Variants in COX16 observed in about 807,000 individuals in gnomAD.
COX16 encodes the protein cytochrome c oxidase assembly factor COX16, also known as cytochrome c oxidase assembly protein COX16 homolog, mitochondrial.
Under a neutral mutation model 15.4 loss-of-function variants are expected in COX16, and 12 were observed. That is an observed-to-expected ratio of 0.78 (90% confidence interval 0.50 to 1.26). The LOEUF (loss-of-function observed/expected upper bound fraction) is 1.26. Among genes scored for constraint, COX16 ranks in the 50% most tolerant of loss-of-function variants. COX16 has a pLI of 0.00. For missense variants in COX16, 124 were observed against 127.6 expected, an observed-to-expected ratio of 0.97 and a Z score of 0.14; for synonymous variants, 46 against 41.1, an observed-to-expected ratio of 1.12 and a Z score of -0.46.
chr14:70,356,518 A>T (rs1427228885), intron 1 of COX16, among the ~76,000 whole-genome samples: 1 of 152,282 alleles, frequency 6.6e-6, no homozygotes, highest in Non-Finnish European at 1.5e-5. Flanking sequence ...ACTAAGACAA[A>T]CTTGAATTTT....
At chr14:70,350,222 GAA>G (rs911598532) in intron 1 of COX16, among the ~76,000 whole-genome samples, 4 of 152,170 alleles carry the variant, frequency 2.6e-5, no homozygotes, top group African/African-American at 9.7e-5. Context: ...GCAGAAGCAG[GAA>G]GAGAGCCGGC....
chr14:70,359,508 A>T lies in COX16; in HGVS notation c.69+11T>A. 1 of 1,612,236 alleles carries T rather than the reference A, an allele frequency of 6.2e-7. No individual in the cohort carries two copies. The highest frequency in any genetic ancestry group is 8.5e-7 in the Non-Finnish European group (1 of 1,178,396). On this transcript the variant is annotated intron_variant, in intron 1 of 3. Transcript: ENST00000389912. ...CCACCCCTTGCGGAAGATCCTCCTCACTCCACTCACCAACATGGGGACTCC... is the reference window on the plus strand; with the variant it reads ...CCACCCCTTGCGGAAGATCCTCCTCTCTCCACTCACCAACATGGGGACTCC...
intron 1 of COX16, among the ~76,000 whole-genome samples, chr14:70,357,524 G>A (rs571755952): frequency 6.6e-5 from 10 of 152,146 alleles, no homozygotes; most frequent in Non-Finnish European, 1.5e-4. Flanking sequence ...TGTTGGTTTT[G>A]GGTTTTAAAG....
chr14:70,347,584 T>C (rs1886820841), intron 1 of COX16, among the ~76,000 whole-genome samples: 1 of 152,066 alleles, frequency 6.6e-6, no homozygotes, highest in African/African-American at 2.4e-5. Context: ...CCGTCCACTC[T>C]CCTTCAATGT....
rs1179382066 is a variant in COX16, at chr14:70,326,111, AT to A, written c.*221del. On this transcript the variant is annotated 3_prime_UTR_variant, in exon 4 of 4. Coordinates refer to ENST00000389912, the MANE Select transcript of COX16 (RefSeq NM_016468.7). Reference sequence around the variant, plus strand: ...CATTTTTTATTTCGAGGTGTAAAATATACGTGGCCAACATTGTTACTTTCAT... The same window carrying A: ...CATTTTTTATTTCGAGGTGTAAAATAACGTGGCCAACATTGTTACTTTCAT... The A allele has an allele frequency of 3.5e-6, 1 of 281,852 alleles. No homozygotes were observed. The highest frequency in any genetic ancestry group is 6.4e-6 in the Non-Finnish European group (1 of 155,614). The allele number at this position is 281,852 out of a possible 1,614,324, so 17.5% of individuals were successfully genotyped here.
intron 2 of COX16, among the ~76,000 whole-genome samples, chr14:70,338,370 C>A (rs1395381494): frequency 1.3e-5 from 2 of 152,198 alleles, no homozygotes; most frequent in Admixed American, 6.5e-5. Context: ...CCTTGGCCTC[C>A]CAAAGTGCTG....
chr14:70,356,970 T>C (rs1282434335), intron 1 of COX16, among the ~76,000 whole-genome samples: 2 of 151,660 alleles, frequency 1.3e-5, no homozygotes, highest in Non-Finnish European at 2.9e-5. Flanking sequence ...CCTGCAAACA[T>C]GATGTAAAGC....
At chr14:70,333,946 AAAAC>A (rs1189243069) in intron 2 of COX16, among the ~76,000 whole-genome samples, 1 of 152,198 alleles carries the variant, frequency 6.6e-6, no homozygotes, top group African/African-American at 2.4e-5. Flanking sequence ...AGTGCTGAGG[AAAAC>A]AAACAAAAAT....
intron 1 of COX16, among the ~76,000 whole-genome samples, chr14:70,357,246 A>C (rs1281296073): frequency 1.3e-5 from 2 of 151,382 alleles, no homozygotes; most frequent in East Asian, 3.9e-4. Flanking sequence ...TAATAGGAAT[A>C]AGGTGTCCTT....
chr14:70,346,508 C>T (rs556083810), intron 1 of COX16, among the ~76,000 whole-genome samples: 3 of 152,300 alleles, frequency 2.0e-5, no homozygotes, highest in Non-Finnish European at 4.4e-5. Context: ...GGACTGTGAG[C>T]GGCCCCTGCA....
intron 2 of COX16, among the ~76,000 whole-genome samples, chr14:70,334,116 T>C (rs1033750734): frequency 6.6e-6 from 1 of 152,236 alleles, no homozygotes; most frequent in African/African-American, 2.4e-5. Context: ...ATAAGAATAC[T>C]GCATGATATA....
intron 1 of COX16, among the ~76,000 whole-genome samples, chr14:70,358,849 C>G (rs1887210716): frequency 6.6e-6 from 1 of 152,198 alleles, no homozygotes; most frequent in Non-Finnish European, 1.5e-5. Flanking sequence ...CATTTCATGA[C>G]ATCCTTAGGG....
chr14:70,340,872 T>C (rs925155849), intron 2 of COX16, among the ~76,000 whole-genome samples: 7 of 152,236 alleles, frequency 4.6e-5, no homozygotes, highest in Admixed American at 4.6e-4. Context: ...TGATTCTCCT[T>C]TTCCAAGTTA....
At chr14:70,342,613 A>G (rs901833726) in intron 2 of COX16, 45 bp downstream of exon 2, 12 of 1,581,552 alleles carry the variant, frequency 7.6e-6, no homozygotes, top group Non-Finnish European at 1.0e-5. Flanking sequence ...AAACCAGAAC[A>G]TACATATAGA....
chr14:70,337,351 T>C (rs1458554474), intron 2 of COX16, among the ~76,000 whole-genome samples: 1 of 152,008 alleles, frequency 6.6e-6, no homozygotes, highest in Non-Finnish European at 1.5e-5. Flanking sequence ...ACAGACAGAT[T>C]GGGGGCTAGG....
intron 2 of COX16, among the ~76,000 whole-genome samples, chr14:70,337,720 T>TA (rs1258330588): frequency 2.0e-5 from 3 of 152,086 alleles, no homozygotes; most frequent in African/African-American, 7.2e-5. Context: ...TAGATTAAAA[T>TA]ATGGCATCAT....
In COX16 at chr14:70,334,849, A is replaced by G. The variant is rs949238697; in HGVS notation, c.142-5613T>C. Among the ~76,000 whole-genome samples the G allele has an allele frequency of 2.0e-5, 3 of 152,240 alleles. No individual in the cohort carries two copies. The East Asian group carries it at 5.8e-4, about 29-fold the overall frequency. ...AACAAAATGGCAGTAGTAAGGCCTT[A>G]CCTATCAATAATAACAGTGAATGTA... On this transcript the variant is annotated intron_variant, in intron 2 of 3. Coordinates refer to ENST00000389912, the MANE Select transcript of COX16 (RefSeq NM_016468.7).
intron 2 of COX16, among the ~76,000 whole-genome samples, chr14:70,331,932 G>A (rs541907971): frequency 3.3e-5 from 5 of 152,290 alleles, no homozygotes; most frequent in African/African-American, 7.2e-5. Context: ...CAGAATTCAG[G>A]TAGGAGGTTG....
intron 2 of COX16, among the ~76,000 whole-genome samples, chr14:70,332,915 T>C (rs1886335784): frequency 6.6e-6 from 1 of 152,328 alleles, no homozygotes; most frequent in South Asian, 2.1e-4. Context: ...ACAGCCCCAG[T>C]ACCTACCTTG....
Sources: allele counts gnomAD v4.1 joint callset (sites outside exome capture counted in the v4.1 genomes callset), GRCh38; gene constraint gnomAD v4.1.1; transcripts MANE v1.5; gene names NCBI Gene and HGNC (gene_info 2026-07-23, HGNC 2026-07-21).